LIMS1: variants seen among roughly 807,000 people sequenced by gnomAD.
LIMS1 encodes the protein LIM zinc finger domain containing 1, also known as LIM and senescent cell antigen-like-containing domain protein 1.
In LIMS1, 18 loss-of-function variants were observed where a neutral mutation model predicts 44.1. The ratio of observed to expected loss-of-function variants is 0.41; its 90% CI spans 0.28 to 0.61. The LOEUF (loss-of-function observed/expected upper bound fraction) is 0.61. Ranked by LOEUF, LIMS1 falls within the 20% of genes least tolerant of loss-of-function variation. LIMS1 has a pLI of 0.32. For missense variants in LIMS1, 201 were observed against 422.0 expected (o/e 0.48, Z 4.59); for synonymous variants, 93 against 149.1 (o/e 0.62, Z 2.74).
intron 2 of LIMS1, among the ~76,000 whole-genome samples, chr2:108,661,074 A>G (rs1173576382): frequency 7.3e-6 from 1 of 137,104 alleles, no homozygotes; most frequent in Non-Finnish European, 1.5e-5. Context: ...GCATTTTCCC[A>G]TAGAAACAAA....
chr2:108,604,102 A>T (rs1353134594), intron 1 of LIMS1, among the ~76,000 whole-genome samples: 2 of 152,060 alleles, frequency 1.3e-5, no homozygotes, highest in East Asian at 3.8e-4. Context: ...GTCATTCAGG[A>T]GCATATTGTT....
chr2:108,612,049 CACACATATATATATATATAT>C lies in LIMS1; in HGVS notation c.33-47552_33-47533del, dbSNP rs1687684639. Among the ~76,000 whole-genome samples, 4 of 92,304 alleles carry C rather than the reference CACACATATATATATATATAT, an allele frequency of 4.3e-5. No individual in the cohort carries two copies. In the South Asian group the frequency reaches 1.4e-3, roughly 33 times the overall value. The allele number at this position is 92,304 out of a possible 152,430, so 60.6% of individuals were successfully genotyped here. On this transcript the variant is annotated intron_variant, in intron 1 of 9. Transcript: ENST00000544547. The stretch of plus-strand genomic sequence containing the variant: ...ACATATACACACACACACACACACA[CACACATATATATATATATAT>C]ACATATATATATGCCCTAAGAGTGA...
intron 1 of LIMS1, among the ~76,000 whole-genome samples, chr2:108,600,936 T>TCTTC (rs1686981687): frequency 8.5e-6 from 1 of 118,180 alleles, no homozygotes; most frequent in Non-Finnish European, 1.8e-5. Flanking sequence ...CTCTTCTCTT[T>TCTTC]TTTCTTCACT....
intron 1 of LIMS1, among the ~76,000 whole-genome samples, chr2:108,554,445 A>G (rs1049654834): frequency 6.6e-6 from 1 of 152,206 alleles, no homozygotes; most frequent in African/African-American, 2.4e-5. Flanking sequence ...ACTGAAGGAC[A>G]GTCTCTGAAG....
chr2:108,555,130 G>A (rs1038103683), intron 1 of LIMS1, among the ~76,000 whole-genome samples: 7 of 152,144 alleles, frequency 4.6e-5, no homozygotes, highest in Non-Finnish European at 8.8e-5. Context: ...TGGTTTTCCC[G>A]TGGTGACTGT....
chr2:108,571,334 G>A (rs1269131048), intron 1 of LIMS1, among the ~76,000 whole-genome samples: 1 of 152,190 alleles, frequency 6.6e-6, no homozygotes, highest in African/African-American at 2.4e-5. Context: ...ACAGGTGTGA[G>A]TCTTCCACAC....
chr2:108,670,038 T>C (rs1380082583), intron 2 of LIMS1, among the ~76,000 whole-genome samples: 1 of 152,138 alleles, frequency 6.6e-6, no homozygotes, highest in Admixed American at 6.5e-5. Context: ...ATTTTTTAAT[T>C]GCAGAAAAGT....
At chr2:108,679,861 A>G (rs550754205) in intron 8 of LIMS1, among the ~76,000 whole-genome samples, 3 of 151,992 alleles carry the variant, frequency 2.0e-5, no homozygotes, top group African/African-American at 7.2e-5. Context: ...CTGTGATCGC[A>G]CCACTGCAAT....
chr2:108,675,431 A>C (rs1692472432), intron 5 of LIMS1, among the ~76,000 whole-genome samples: 1 of 129,658 alleles, frequency 7.7e-6, no homozygotes, highest in Non-Finnish European at 1.7e-5. Flanking sequence ...AGCCTTCATG[A>C]TGTAATCACC....
At chr2:108,572,161 G>A (rs1164824886) in intron 1 of LIMS1, among the ~76,000 whole-genome samples, 1 of 151,796 alleles carries the variant, frequency 6.6e-6, no homozygotes, top group Non-Finnish European at 1.5e-5. Context: ...TTTTATCATG[G>A]AATTTATATC....
At chr2:108,536,399 A>G (rs908932766) in intron 1 of LIMS1, among the ~76,000 whole-genome samples, 10 of 152,120 alleles carry the variant, frequency 6.6e-5, no homozygotes, top group African/African-American at 1.9e-4. Flanking sequence ...GGTACCTCAT[A>G]TCTCATGTAA....
chr2:108,549,279 CTTTTTTTTTTTTTTTT>C (rs71381966), intron 1 of LIMS1, among the ~76,000 whole-genome samples: 2 of 55,784 alleles, frequency 3.6e-5, no homozygotes, highest in Non-Finnish European at 6.2e-5. Flanking sequence ...TAAAGTGTTT[CTTTTTTTTTTTTTTTT>C]TTTTTTTTTT....
At chr2:108,683,131 T>C (rs1202131441) in intron 9 of LIMS1, among the ~76,000 whole-genome samples, 6 of 152,214 alleles carry the variant, frequency 3.9e-5, no homozygotes, top group African/African-American at 1.4e-4. Context: ...GTTACATTTA[T>C]GTTAAGAGTG....
chr2:108,585,550 T>C lies in LIMS1; in HGVS notation c.32+50956T>C, dbSNP rs78315245. On this transcript the variant is annotated intron_variant, in intron 1 of 9. Coordinates refer to ENST00000544547, the Ensembl canonical transcript of LIMS1. The stretch of plus-strand genomic sequence containing the variant: ...TTTAAGAAGGTCCAGCCAGTGCCAC[T>C]AACAGGGAGGAAGTAGTTGAGCCAT... 8.9e-3 allele frequency among the ~76,000 whole-genome samples: 1,349 copies of C among 152,152 alleles called. 28 individuals carry two copies. Among genetic ancestry groups the C allele is most frequent in the African/African-American group, 0.031 (1,297 of 41,476 alleles).
intron 1 of LIMS1, among the ~76,000 whole-genome samples, chr2:108,545,515 A>T (rs1386229426): frequency 6.6e-6 from 1 of 152,228 alleles, no homozygotes; most frequent in Non-Finnish European, 1.5e-5. Context: ...CAGGGATTAC[A>T]GGCCTGAGTC....
At chr2:108,537,106 A>G (rs2577626) in intron 1 of LIMS1, among the ~76,000 whole-genome samples, 1 of 152,144 alleles carries the variant, frequency 6.6e-6, no homozygotes, top group African/African-American at 2.4e-5. Flanking sequence ...GGCCCTCTTT[A>G]GTGCTAAGCG....
intron 1 of LIMS1, among the ~76,000 whole-genome samples, chr2:108,541,791 C>T (rs1684325465): frequency 6.6e-6 from 1 of 152,192 alleles, no homozygotes; most frequent in East Asian, 1.9e-4. Flanking sequence ...AACAAAATTG[C>T]CGCTTCTCTC....
chr2:108,578,587 AT>A (rs575139291), intron 1 of LIMS1, among the ~76,000 whole-genome samples: 311 of 100,786 alleles, frequency 3.1e-3, no homozygotes, highest in African/African-American at 8.1e-3. Context: ...AATGTAAATA[AT>A]TTTTTTTTTT....
chr2:108,547,131 T>C (rs1684506646), intron 1 of LIMS1, among the ~76,000 whole-genome samples: 1 of 152,242 alleles, frequency 6.6e-6, no homozygotes, highest in African/African-American at 2.4e-5. Context: ...AGTTAGACTT[T>C]GACTTCAACA....
Sources: allele counts gnomAD v4.1 joint callset (sites outside exome capture counted in the v4.1 genomes callset), GRCh38; gene constraint gnomAD v4.1.1; transcripts MANE v1.5; gene names NCBI Gene and HGNC (gene_info 2026-07-23, HGNC 2026-07-21).